AGA: variants seen among roughly 807,000 people sequenced by gnomAD.
The protein encoded by AGA is aspartylglucosaminidase.
In AGA, 31 loss-of-function variants were observed where a neutral mutation model predicts 40.1. The ratio of observed to expected loss-of-function variants is 0.77; its 90% CI spans 0.58 to 1.04. AGA has a LOEUF of 1.04. AGA is among the 50% of genes least tolerant of loss of function. The probability of loss-of-function intolerance (pLI) is 0.00; values close to 1 mark genes in which losing one functional copy is unlikely to be tolerated. For missense variants in AGA, 445 were observed against 435.4 expected (o/e 1.02, Z -0.20); for synonymous variants, 148 against 144.0 (o/e 1.03, Z -0.20).
At chr4:177,435,453 T>A (rs1256399582) in intron 6 of AGA, among the ~76,000 whole-genome samples, 1 of 152,208 alleles carries the variant, frequency 6.6e-6, no homozygotes, top group Non-Finnish European at 1.5e-5. Flanking sequence ...ATTACCATCC[T>A]TTATCATCTA....
At chr4:177,431,857 A>G in intron 8 of AGA, 49 bp from the exon 9 acceptor site, 1 of 1,443,350 alleles carries the variant, frequency 6.9e-7, no homozygotes, top group Non-Finnish European at 9.7e-7. Flanking sequence ...GGATGCACAT[A>G]TTTATAACCA....
At position 177,434,399 on chromosome 4, in the gene AGA, C is replaced by T. The variant is rs2111008977; in HGVS notation, c.789G>A (p.Leu263=). 1 of 1,614,088 alleles carries T rather than the reference C, an allele frequency of 6.2e-7. No individual in the cohort carries two copies. Among genetic ancestry groups the T allele is most frequent in the South Asian group, 1.1e-5 (1 of 91,072 alleles). ...AAAATGNGDI[L]MRFLPSYQAV... ...AGTCATACCTTGGCAGGAAGCGCAT[C>T]AATATATCACCATTCCCAGTGGCTG... Residue 263 remains leucine, a synonymous_variant, in exon 7 of 9, where the codon TTG becomes TTA. Transcript: ENST00000264595.
intron 4 of AGA, 137 bp from the exon 5 acceptor site, chr4:177,437,656 A>T (rs1560948873): frequency 7.6e-6 from 5 of 661,704 alleles, no homozygotes; most frequent in Non-Finnish European, 1.4e-5. Context: ...TTAAAAGCTA[A>T]GAAATCACTA....
chr4:177,431,236 A>G lies in AGA; in HGVS notation c.*472T>C, dbSNP rs773267317. ...AAGTTTTTAGGGAATATTAAGTAAA[A>G]CCAATAATCAGTGCTAAGACATGCA... On this transcript the variant is annotated 3_prime_UTR_variant, in exon 9 of 9. Coordinates refer to ENST00000264595, the MANE Select transcript of AGA (RefSeq NM_000027.4). The G allele has an allele frequency of 2.3e-6, 1 of 441,458 alleles. No homozygotes were observed. The highest frequency in any genetic ancestry group is 4.5e-6 in the Non-Finnish European group (1 of 222,930). 27.3% of individuals were successfully genotyped at this position (441,458 alleles called of 1,614,324 possible).
intron 1 of AGA, 126 bp downstream of exon 1, chr4:177,442,123 C>G: frequency 4.2e-6 from 6 of 1,419,760 alleles, no homozygotes; most frequent in East Asian, 2.5e-5. Context: ...AGGGCGGGAC[C>G]GCGAGGCCCG....
Position 177,436,364 on chromosome 4 carries a change from A to C in AGA, c.623-13T>G, listed in dbSNP as rs778434616. The C allele has an allele frequency of 8.6e-5, 139 of 1,608,902 alleles. No individual in the cohort carries two copies. Among genetic ancestry groups the C allele is most frequent in the Non-Finnish European group, 1.1e-4 (128 of 1,176,852 alleles). ...ATTACAACCATGCCTAGAAGTTAAAAAAAAAAAATCACTGTAGGTGTATAA... is the reference window on the plus strand; with the variant it reads ...ATTACAACCATGCCTAGAAGTTAAACAAAAAAAATCACTGTAGGTGTATAA... On this transcript the variant is annotated splice_polypyrimidine_tract_variant and intron_variant, in intron 5 of 8. Transcript: ENST00000264595.
chr4:177,440,079 C>T (rs1736945370), intron 2 of AGA, 194 bp downstream of exon 2: 4 of 659,626 alleles, frequency 6.1e-6, no homozygotes, highest in Non-Finnish European at 7.9e-6. Flanking sequence ...CTACCTATCT[C>T]TCCATGTGAT....
intron 1 of AGA, 66 bp from the exon 2 acceptor site, chr4:177,440,492 A>G: frequency 6.5e-7 from 1 of 1,533,164 alleles, no homozygotes; most frequent in Non-Finnish European, 8.9e-7. Context: ...AAATGCAACA[A>G]ACCAACTCCA....
chr4:177,431,927 A>G (rs2111004925), intron 8 of AGA, 119 bp from the exon 9 acceptor site: 1 of 812,476 alleles, frequency 1.2e-6, no homozygotes, highest in East Asian at 2.7e-5. Context: ...TCTAAGCCAC[A>G]TGGAAATACA....
chr4:177,436,264 G>C lies in AGA; in HGVS notation c.698+12C>G. On this transcript the variant is annotated intron_variant, in intron 6 of 8. Transcript: ENST00000264595. Reference sequence around the variant, plus strand: ...GTATATTTGAGAGCTCTGTTCTTTTGGAAACACTAACCCATGTATTTTGAA... The same window carrying C: ...GTATATTTGAGAGCTCTGTTCTTTTCGAAACACTAACCCATGTATTTTGAA... 1 of 1,601,838 alleles carries C rather than the reference G, an allele frequency of 6.2e-7. No homozygotes were observed. Among genetic ancestry groups the C allele is most frequent in the Non-Finnish European group, 8.6e-7 (1 of 1,169,326 alleles).
At chr4:177,433,070 C>A in intron 8 of AGA, 144 bp downstream of exon 8, 2 of 1,148,454 alleles carry the variant, frequency 1.7e-6, no homozygotes, top group Non-Finnish European at 2.5e-6. Context: ...GTCTTGAGAT[C>A]ATCAATGAAC....
At chr4:177,435,486 T>A (rs970655228) in intron 6 of AGA, among the ~76,000 whole-genome samples, 1 of 152,184 alleles carries the variant, frequency 6.6e-6, no homozygotes, top group African/African-American at 2.4e-5. Context: ...TTGCAACATG[T>A]TCAAAATTGG....
intron 6 of AGA, among the ~76,000 whole-genome samples, chr4:177,436,020 G>A (rs934643459): frequency 1.3e-5 from 2 of 152,134 alleles, no homozygotes; most frequent in African/African-American, 4.8e-5. Flanking sequence ...ACTCAGGGCT[G>A]AGCTCCAAGC....
Position 177,431,306 on chromosome 4 carries a change from A to T in AGA, c.*402T>A, listed in dbSNP as rs2111003630. Reference sequence around the variant, plus strand: ...TTCAATCAGGACTGATCATGCTGAGACTCTGCTGTTTTTTTCTTTGGGTCT... The same window carrying T: ...TTCAATCAGGACTGATCATGCTGAGTCTCTGCTGTTTTTTTCTTTGGGTCT... On this transcript the variant is annotated 3_prime_UTR_variant, in exon 9 of 9. Transcript: ENST00000264595. 2.2e-6 allele frequency: 1 copy of T among 447,808 alleles called. No homozygotes were observed. The highest frequency in any genetic ancestry group is 1.6e-5 in the South Asian group (1 of 62,284). The allele number at this position is 447,808 out of a possible 1,614,324, so 27.7% of individuals were successfully genotyped here. A position where few individuals can be genotyped will look rare whatever the true frequency, so the allele number is the denominator to read the frequency against.
Position 177,431,395 on chromosome 4 carries a change from C to A in AGA, c.*313G>T. ...ATGATTCCTTTTGGGTTTAATATAT[C>A]ACTGTGGAAATAAATCTCAAAGTAG... On this transcript the variant is annotated 3_prime_UTR_variant, in exon 9 of 9. Transcript: ENST00000264595. 1 of 433,506 alleles carries A rather than the reference C, an allele frequency of 2.3e-6. No individual in the cohort carries two copies. The highest frequency in any genetic ancestry group is 4.4e-6 in the Non-Finnish European group (1 of 228,378). The allele number at this position is 433,506 out of a possible 1,614,324, so 26.9% of individuals were successfully genotyped here.
chr4:177,438,904 T>C, intron 3 of AGA, 47 bp from the exon 4 acceptor site: 3 of 1,204,212 alleles, frequency 2.5e-6, no homozygotes, highest in African/African-American at 1.5e-5. Flanking sequence ...AGTATTGTCT[T>C]TTCAACAAAA....
chr4:177,431,037 ATAT>A lies in AGA; in HGVS notation c.*668_*670del, dbSNP rs1418333212. Reference sequence around the variant, plus strand: ...TTTTAAAAGAAACGATCAATACTAAATATTAGCAGCTAAAACATCATTGATTCT... The same window carrying A: ...TTTTAAAAGAAACGATCAATACTAAATAGCAGCTAAAACATCATTGATTCT... On this transcript the variant is annotated 3_prime_UTR_variant, in exon 9 of 9. Transcript: ENST00000264595. 3 of 453,908 alleles carry A rather than the reference ATAT, an allele frequency of 6.6e-6. No individual in the cohort carries two copies. Among genetic ancestry groups the A allele is most frequent in the South Asian group, 4.7e-5 (3 of 64,474 alleles). The allele number at this position is 453,908 out of a possible 1,614,324, so 28.1% of individuals were successfully genotyped here. A position where few individuals can be genotyped will look rare whatever the true frequency, so the allele number is the denominator to read the frequency against.
At chr4:177,440,125 A>T in intron 2 of AGA, 148 bp downstream of exon 2, 2 of 931,876 alleles carry the variant, frequency 2.1e-6, no homozygotes, top group Admixed American at 2.0e-5. Context: ...TTCAGTTGAG[A>T]GGGAAACTGT....
In AGA at chr4:177,439,582, C is replaced by T. The variant is rs1342320224; in HGVS notation, c.388G>A (p.Glu130Lys). Residue 130 changes from glutamate (E) to lysine (K), a missense_variant, in exon 3 of 9, where the codon GAG becomes AAG. By Grantham distance (56) the Glu-to-Lys change is moderately conservative. Transcript: ENST00000264595. ...EHTTHTLLVG[E>K]SATTFAQSMG... is the part of the protein sequence containing the mutation. The stretch of plus-strand genomic sequence containing the variant: ...AGTGTAGTTAAAAAAATACCTGACT[C>T]TCCTACTAAAAGTGTGTGTGTTGTA... The T allele has an allele frequency of 1.2e-6, 2 of 1,611,240 alleles. No homozygotes were observed. Among genetic ancestry groups the T allele is most frequent in the Non-Finnish European group, 1.7e-6 (2 of 1,177,428 alleles).
Sources: allele counts gnomAD v4.1 joint callset (sites outside exome capture counted in the v4.1 genomes callset), GRCh38; gene constraint gnomAD v4.1.1; transcripts MANE v1.5; gene names NCBI Gene and HGNC (gene_info 2026-07-23, HGNC 2026-07-21).